PLGRKT: variants seen among roughly 807,000 people sequenced by gnomAD.
PLGRKT encodes plasminogen receptor (KT).
A neutral mutation model predicts 18.5 loss-of-function variants in PLGRKT; 22 were observed. The ratio of observed to expected loss-of-function variants is 1.19; its 90% CI spans 0.85 to 1.70. PLGRKT has a LOEUF of 1.70. Among genes scored for constraint, PLGRKT ranks in the 40% most tolerant of loss-of-function variants. The pLI is 0.00. For synonymous variants in PLGRKT, 72 were observed against 52.8 expected (o/e 1.36, Z -1.58); for missense variants, 235 against 174.4 (o/e 1.35, Z -1.96).
chr9:5,373,303 C>T (rs1817564172), intron 3 of PLGRKT, among the ~76,000 whole-genome samples: 1 of 152,176 alleles, frequency 6.6e-6, no homozygotes, highest in African/African-American at 2.4e-5. Flanking sequence ...TTCCATGGAC[C>T]TTGTGACTTC....
chr9:5,417,489 T>C (rs988039007), intron 3 of PLGRKT, among the ~76,000 whole-genome samples: 7 of 151,420 alleles, frequency 4.6e-5, no homozygotes, highest in Non-Finnish European at 8.8e-5. Context: ...TTCTCTGATA[T>C]GACACCAAAA....
intron 3 of PLGRKT, among the ~76,000 whole-genome samples, chr9:5,413,319 GC>G (rs1818399857): frequency 6.6e-6 from 1 of 152,026 alleles, no homozygotes; most frequent in Non-Finnish European, 1.5e-5. Flanking sequence ...CCTGGGGTGG[GC>G]AGAATAATGG....
chr9:5,374,125 G>T (rs571806043), intron 3 of PLGRKT, among the ~76,000 whole-genome samples: 1 of 152,114 alleles, frequency 6.6e-6, no homozygotes, highest in Non-Finnish European at 1.5e-5. Flanking sequence ...TTGGCTGTAG[G>T]CTTATATTTC....
intron 3 of PLGRKT, among the ~76,000 whole-genome samples, chr9:5,371,261 G>C (rs1817509297): frequency 6.6e-6 from 1 of 152,292 alleles, no homozygotes; most frequent in East Asian, 1.9e-4. Flanking sequence ...AAGTTGAGCA[G>C]CTGACAGAAC....
At chr9:5,389,501 C>A (rs771440915) in intron 3 of PLGRKT, among the ~76,000 whole-genome samples, 1 of 151,814 alleles carries the variant, frequency 6.6e-6, no homozygotes, top group Non-Finnish European at 1.5e-5. Context: ...TTGAGGGGAT[C>A]ATTAAAATAC....
At position 5,370,858 on chromosome 9, in the gene PLGRKT, C is replaced by T. The variant is rs117481214; in HGVS notation, c.82-8970G>A. ...TGGCATTTAACCTTAACTTGCTTGA[C>T]GGATATGTTAAATGTTCAATGTCCA... On this transcript the variant is annotated intron_variant, in intron 3 of 5. Coordinates refer to ENST00000223864, the MANE Select transcript of PLGRKT (RefSeq NM_018465.4). Among the ~76,000 whole-genome samples the T allele has an allele frequency of 5.6e-4, 85 of 152,176 alleles. No homozygotes were observed. The East Asian group carries it at 0.012, about 21-fold the overall frequency.
Position 5,424,630 on chromosome 9 carries a change from T to C in PLGRKT, c.81+7267A>G, listed in dbSNP as rs927830659. Reference sequence around the variant, plus strand: ...ATATTATTTATTATATTATATTATATTAATATATTTACATTATATATAATA... The same window carrying C: ...ATATTATTTATTATATTATATTATACTAATATATTTACATTATATATAATA... On this transcript the variant is annotated intron_variant, in intron 3 of 5. Coordinates refer to ENST00000223864, the MANE Select transcript of PLGRKT (RefSeq NM_018465.4). 6.6e-5 allele frequency among the ~76,000 whole-genome samples: 8 copies of C among 120,568 alleles called. 1 individual carries two copies. Among genetic ancestry groups the C allele is most frequent in the African/African-American group, 2.6e-4 (8 of 30,636 alleles). 79.1% of individuals were successfully genotyped at this position (120,568 alleles called of 152,430 possible).
chr9:5,380,378 A>G (rs888200524), intron 3 of PLGRKT, among the ~76,000 whole-genome samples: 1 of 151,810 alleles, frequency 6.6e-6, no homozygotes, highest in East Asian at 1.9e-4. Flanking sequence ...ATTAAAAAAA[A>G]AAAAAAAAAA....
At chr9:5,401,848 G>A (rs776467557) in intron 3 of PLGRKT, among the ~76,000 whole-genome samples, 1 of 151,884 alleles carries the variant, frequency 6.6e-6, no homozygotes, top group Non-Finnish European at 1.5e-5. Context: ...GTGTCAAGGG[G>A]ACATCAATTC....
intron 3 of PLGRKT, among the ~76,000 whole-genome samples, chr9:5,423,821 G>C (rs1818622622): frequency 6.9e-6 from 1 of 145,836 alleles, no homozygotes; most frequent in African/African-American, 2.7e-5. Context: ...TCCCACCTCA[G>C]ACTCCTGAAT....
At position 5,436,607 on chromosome 9, in the gene PLGRKT, G is replaced by C. The variant is rs868029888; in HGVS notation, c.-45C>G. The C allele has an allele frequency of 3.3e-5, 5 of 152,240 alleles. No individual in the cohort carries two copies. The highest frequency in any genetic ancestry group is 7.2e-5 in the African/African-American group (3 of 41,444). 9.4% of individuals were successfully genotyped at this position (152,240 alleles called of 1,614,324 possible). On this transcript the variant is annotated 5_prime_UTR_variant, in exon 2 of 6. Coordinates refer to ENST00000223864, the MANE Select transcript of PLGRKT (RefSeq NM_018465.4). ...TTGCTCTCCTGGGTCTGGACTTGTA[G>C]TCTGAATGTGTTAGAGGACGCTCCC...
intron 3 of PLGRKT, among the ~76,000 whole-genome samples, chr9:5,380,776 A>C (rs998377662): frequency 1.3e-5 from 2 of 152,226 alleles, no homozygotes; most frequent in African/African-American, 4.8e-5. Flanking sequence ...AATAGATACA[A>C]AATAAATATT....
intron 3 of PLGRKT, among the ~76,000 whole-genome samples, chr9:5,376,502 A>G (rs1355834633): frequency 6.6e-6 from 1 of 152,190 alleles, no homozygotes; most frequent in African/African-American, 2.4e-5. Context: ...TGGCATATAA[A>G]AGTAGTACAA....
intron 3 of PLGRKT, among the ~76,000 whole-genome samples, chr9:5,424,587 A>G (rs1330331580): frequency 7.5e-6 from 1 of 132,668 alleles, no homozygotes; most frequent in African/African-American, 3.0e-5. Flanking sequence ...TACTTATTAT[A>G]TTATACAGTA....
intron 3 of PLGRKT, among the ~76,000 whole-genome samples, chr9:5,374,066 ACTT>A (rs1293946590): frequency 6.6e-6 from 1 of 152,148 alleles, no homozygotes; most frequent in African/African-American, 2.4e-5. Context: ...TCTAACCACT[ACTT>A]CTTGCTGATG....
chr9:5,358,021 G>T lies in PLGRKT; in HGVS notation c.*218C>A. 2.5e-6 allele frequency: 1 copy of T among 394,658 alleles called. No individual in the cohort carries two copies. Among genetic ancestry groups the T allele is most frequent in the Non-Finnish European group, 4.5e-6 (1 of 221,686 alleles). 24.4% of individuals were successfully genotyped at this position (394,658 alleles called of 1,614,324 possible). Reference sequence around the variant, plus strand: ...AATTTTACACTTAGATATTGGTAATGCACACAGAGAGAGGAAATCTAAAAG... The same window carrying T: ...AATTTTACACTTAGATATTGGTAATTCACACAGAGAGAGGAAATCTAAAAG... On this transcript the variant is annotated 3_prime_UTR_variant, in exon 6 of 6. Coordinates refer to ENST00000223864, the MANE Select transcript of PLGRKT (RefSeq NM_018465.4).
At chr9:5,370,320 A>T (rs567144102) in intron 3 of PLGRKT, among the ~76,000 whole-genome samples, 1 of 152,340 alleles carries the variant, frequency 6.6e-6, no homozygotes, top group African/African-American at 2.4e-5. Flanking sequence ...AGGTCCACAG[A>T]CTATTTAATA....
chr9:5,371,577 G>A (rs982047875), intron 3 of PLGRKT, among the ~76,000 whole-genome samples: 7 of 152,240 alleles, frequency 4.6e-5, no homozygotes, highest in South Asian at 2.1e-4. Flanking sequence ...CCAGCCATGC[G>A]GAACTGTAAA....
chr9:5,387,021 C>A (rs577456000), intron 3 of PLGRKT, among the ~76,000 whole-genome samples: 1 of 151,920 alleles, frequency 6.6e-6, no homozygotes, highest in East Asian at 1.9e-4. Flanking sequence ...AACGGACAGA[C>A]TGCCAAGGGC....
Sources: allele counts gnomAD v4.1 joint callset (sites outside exome capture counted in the v4.1 genomes callset), GRCh38; gene constraint gnomAD v4.1.1; transcripts MANE v1.5; gene names NCBI Gene and HGNC (gene_info 2026-07-23, HGNC 2026-07-21).